The following CX3CL1 variants were observed in gnomAD, a reference collection of about 807,000 sequenced individuals.
CX3CL1 encodes C-X3-C motif chemokine ligand 1, also known as fractalkine.
In CX3CL1, 1 loss-of-function variant was observed where a neutral mutation model predicts 14.1. That is an observed-to-expected ratio of 0.07 (90% confidence interval 0.03 to 0.34). CX3CL1 has a LOEUF of 0.34. Among genes scored for constraint, CX3CL1 ranks in the 10% least tolerant of loss-of-function variants. CX3CL1 has a pLI of 0.99. For missense variants in CX3CL1, 505 were observed against 536.4 expected, an observed-to-expected ratio of 0.94 and a Z score of 0.58; for synonymous variants, 255 against 229.6, an observed-to-expected ratio of 1.11 and a Z score of -1.00.
intron 1 of CX3CL1, among the ~76,000 whole-genome samples, chr16:57,375,138 TA>T (rs572966437): frequency 5.9e-4 from 56 of 95,288 alleles, no homozygotes; most frequent in Admixed American, 1.6e-3. Flanking sequence ...AGAGTCCATT[TA>T]AAAAAAAAAA....
chr16:57,382,344 TC>T lies in CX3CL1; in HGVS notation c.512del (p.Pro171ArgfsTer258). On this transcript the variant is annotated frameshift_variant, in exon 3 of 3. Coordinates refer to ENST00000006053, the MANE Select transcript of CX3CL1 (RefSeq NM_002996.6). LOFTEE classifies it low-confidence loss of function (END_TRUNC). The surrounding 1 kb of genome is among the most constrained non-coding windows in gnomAD (Gnocchi z 6.9). ...TGVTGSSGTR[L>X]PPTPKAQDGG... ...GTGACTGGTTCCTCAGGGACCAGGC[TC>T]CCCCCGACGCCAAAGGCTCAGGATG... 3 of 1,601,818 alleles carry T rather than the reference TC, an allele frequency of 1.9e-6. No homozygotes were observed. Among genetic ancestry groups the T allele is most frequent in the Admixed American group, 1.7e-5 (1 of 59,190 alleles).
chr16:57,375,070 G>T (rs1384606075), intron 1 of CX3CL1, among the ~76,000 whole-genome samples: 1 of 151,746 alleles, frequency 6.6e-6, no homozygotes, highest in Non-Finnish European at 1.5e-5. Context: ...AACCTGGGAG[G>T]CAGAGGTTGG....
Position 57,379,712 on chromosome 16 carries a change from AC to A in CX3CL1, c.150del (p.Tyr51IlefsTer46), listed in dbSNP as rs1902294036. 6.2e-7 allele frequency: 1 copy of A among 1,614,136 alleles called. No individual in the cohort carries two copies. Among genetic ancestry groups the A allele is most frequent in the Non-Finnish European group, 8.5e-7 (1 of 1,180,034 alleles). On this transcript the variant is annotated frameshift_variant, in exon 2 of 3. Transcript: ENST00000006053. LOFTEE classifies it low-confidence loss of function (END_TRUNC). Reference protein sequence around the residue: ...TSKIPVALLIHYQQNQASCGK... With the variant: ...TSKIPVALLIXYQQNQASCGK... ...AAGATACCTGTAGCTTTGCTCATCC[AC>A]TATCAACAGAACCAGGCATCATGCG... is the stretch of plus-strand genomic sequence containing the variant.
In CX3CL1 at chr16:57,379,240, C is replaced by T. The variant is rs146473546; in HGVS notation, c.71-394C>T. On this transcript the variant is annotated intron_variant, in intron 1 of 2. Coordinates refer to ENST00000006053, the MANE Select transcript of CX3CL1 (RefSeq NM_002996.6). Reference sequence around the variant, plus strand: ...ATTCGGGAGTCTGAGGCAGGAGAATCGCTTGAATCTGGGAGGCCGAGGTTG... The same window carrying T: ...ATTCGGGAGTCTGAGGCAGGAGAATTGCTTGAATCTGGGAGGCCGAGGTTG... 1,995 of 218,734 alleles carry T rather than the reference C, an allele frequency of 9.1e-3. 10 individuals carry two copies. The highest frequency in any genetic ancestry group is 0.012 in the Non-Finnish European group (1,393 of 112,530). 13.5% of individuals were successfully genotyped at this position (218,734 alleles called of 1,614,324 possible).
At chr16:57,374,561 C>A (rs1241640489) in intron 1 of CX3CL1, among the ~76,000 whole-genome samples, 2 of 152,118 alleles carry the variant, frequency 1.3e-5, no homozygotes, top group African/African-American at 4.8e-5. Context: ...CAGATCCAGG[C>A]CCCTGTCTAA....
At chr16:57,376,491 G>T (rs1567553049) in intron 1 of CX3CL1, among the ~76,000 whole-genome samples, 1 of 148,664 alleles carries the variant, frequency 6.7e-6, no homozygotes, top group Non-Finnish European at 1.5e-5. Context: ...TGGATGGATG[G>T]GTGGATAGAT....
At chr16:57,376,154 TA>T (rs1246261141) in intron 1 of CX3CL1, among the ~76,000 whole-genome samples, 1 of 152,262 alleles carries the variant, frequency 6.6e-6, no homozygotes, top group African/African-American at 2.4e-5. Flanking sequence ...TTTGTGTGCC[TA>T]ATTTACCTGT....
chr16:57,382,827 C>T lies in CX3CL1; in HGVS notation c.989C>T (p.Pro330Leu). The T allele has an allele frequency of 6.4e-7, 1 of 1,571,374 alleles. No homozygotes were observed. The highest frequency in any genetic ancestry group is 8.7e-7 in the Non-Finnish European group (1 of 1,155,014). ...DPQRLGVLITPVPDAQAATRR... is the reference protein window; with the variant it reads ...DPQRLGVLITLVPDAQAATRR... ...CAGAGGCTGGGCGTCCTTATCACTC[C>T]TGTCCCTGACGCCCAGGCTGCCACC... The change falls in exon 3 of 3, where the codon CCT becomes CTT. Residue 330 changes from proline (P) to leucine (L), a missense_variant. By Grantham distance (98) the Pro-to-Leu change is moderately conservative. Coordinates refer to ENST00000006053, the MANE Select transcript of CX3CL1 (RefSeq NM_002996.6). This position sits in a 1 kb window ranked among gnomAD's most constrained non-coding sequence, Gnocchi z 6.9.
At chr16:57,375,665 A>T (rs1902236254) in intron 1 of CX3CL1, among the ~76,000 whole-genome samples, 1 of 152,244 alleles carries the variant, frequency 6.6e-6, no homozygotes, top group African/African-American at 2.4e-5. Context: ...CAGGACACAC[A>T]GCTGGGCAAT....
At chr16:57,379,229 G>A (rs182666) in intron 1 of CX3CL1, 43,657 of 206,298 alleles carry the variant, frequency 0.21, 6,629 homozygotes, top group African/African-American at 0.46. Flanking sequence ...GGGAGTCTGA[G>A]GCAGGAGAAT....
At chr16:57,379,801 A>C in intron 2 of CX3CL1, 47 bp downstream of exon 2, 1 of 1,608,948 alleles carries the variant, frequency 6.2e-7, no homozygotes, top group Non-Finnish European at 8.5e-7. Flanking sequence ...GGGCCCTTGG[A>C]ATATTCCCAG....
In CX3CL1 at chr16:57,383,504, C is replaced by T. The variant is rs1902366222; in HGVS notation, c.*472C>T. 1 of 155,638 alleles carries T rather than the reference C, an allele frequency of 6.4e-6. No homozygotes were observed. Among genetic ancestry groups the T allele is most frequent in the Non-Finnish European group, 1.4e-5 (1 of 70,306 alleles). The allele number at this position is 155,638 out of a possible 1,614,324, so 9.6% of individuals were successfully genotyped here. A position where few individuals can be genotyped will look rare whatever the true frequency, so the allele number is the denominator to read the frequency against. On this transcript the variant is annotated 3_prime_UTR_variant, in exon 3 of 3. Coordinates refer to ENST00000006053, the MANE Select transcript of CX3CL1 (RefSeq NM_002996.6). ...CCCGGCCACCTGCGGTGCTATCTCC[C>T]CCAGCCCCATCCTCTGTACAGAGCC... is the stretch of plus-strand genomic sequence containing the variant.
rs548999945 is a variant in CX3CL1 at position 57,375,859 on chromosome 16, T to C, written c.70+3221T>C. Among the ~76,000 whole-genome samples the C allele has an allele frequency of 9.3e-4, 142 of 152,272 alleles. 1 individual carries two copies. Among genetic ancestry groups the C allele is most frequent in the Non-Finnish European group, 1.8e-3 (122 of 68,004 alleles). On this transcript the variant is annotated intron_variant, in intron 1 of 2. Transcript: ENST00000006053. Reference sequence around the variant, plus strand: ...CTCCCTCATGTAAACCCCAATATGTTTGTGGTATGTTCTGGAACACTGTGT... The same window carrying C: ...CTCCCTCATGTAAACCCCAATATGTCTGTGGTATGTTCTGGAACACTGTGT...
chr16:57,375,358 A>C (rs223873), intron 1 of CX3CL1, among the ~76,000 whole-genome samples: 119,915 of 151,936 alleles, frequency 0.79, 47,481 homozygotes, highest in Non-Finnish European at 0.81. Flanking sequence ...TTTCTAGAGA[A>C]ATTTTTTACT....
At position 57,382,372 on chromosome 16, in the gene CX3CL1, A is replaced by C. The variant is rs1487764774; in HGVS notation, c.534A>C (p.Gly178=). 1 of 1,611,438 alleles carries C rather than the reference A, an allele frequency of 6.2e-7. No homozygotes were observed. The highest frequency in any genetic ancestry group is 2.2e-5 in the East Asian group (1 of 44,848). ...RLPPTPKAQD[G]GPVGTELFRV... ...CCCCGACGCCAAAGGCTCAGGATGG[A>C]GGGCCTGTGGGCACGGAGCTTTTCC... Residue 178 remains glycine (G), a synonymous_variant, in exon 3 of 3, where the codon GGA becomes GGC. Coordinates refer to ENST00000006053, the MANE Select transcript of CX3CL1 (RefSeq NM_002996.6). This position sits in a 1 kb window ranked among gnomAD's most constrained non-coding sequence, Gnocchi z 6.9.
rs1273541188 is a variant in CX3CL1, at chr16:57,383,235, G to A, written c.*203G>A. 1.6e-5 allele frequency: 7 copies of A among 433,434 alleles called. No individual in the cohort carries two copies. Among genetic ancestry groups the A allele is most frequent in the Non-Finnish European group, 7.7e-6 (2 of 258,256 alleles). The allele number at this position is 433,434 out of a possible 1,614,324, so 26.8% of individuals were successfully genotyped here. On this transcript the variant is annotated 3_prime_UTR_variant, in exon 3 of 3. Coordinates refer to ENST00000006053, the MANE Select transcript of CX3CL1 (RefSeq NM_002996.6). ...CATTCTCCACCTGCCAGGGACAGAG[G>A]GGGTGGCCTCCCAACTCACCCCAGC...
intron 2 of CX3CL1, among the ~76,000 whole-genome samples, chr16:57,381,462 C>A (rs1187751119): frequency 1.3e-5 from 2 of 152,010 alleles, no homozygotes; most frequent in African/African-American, 4.8e-5. Flanking sequence ...AGCTGTGAAA[C>A]CGAAGGAGAG....
chr16:57,373,139 A>T (rs1190438965), intron 1 of CX3CL1, among the ~76,000 whole-genome samples: 1 of 152,284 alleles, frequency 6.6e-6, no homozygotes, highest in Middle Eastern at 3.4e-3. Flanking sequence ...GTGAAGGTCA[A>T]GGTCACTGCA....
At chr16:57,375,050 G>T (rs891298171) in intron 1 of CX3CL1, among the ~76,000 whole-genome samples, 1 of 151,354 alleles carries the variant, frequency 6.6e-6, no homozygotes, top group Admixed American at 6.6e-5. Flanking sequence ...TGAGGCAAGA[G>T]AATCGCTTGA....
Sources: allele counts gnomAD v4.1 joint callset (sites outside exome capture counted in the v4.1 genomes callset), GRCh38; gene constraint gnomAD v4.1.1; non-coding constraint Gnocchi (gnomAD v3.1); transcripts MANE v1.5; gene names NCBI Gene and HGNC (gene_info 2026-07-23, HGNC 2026-07-21).